Variants in PSMG4 observed in about 807,000 individuals in gnomAD.
PSMG4 encodes the protein proteasome assembly chaperone 4, also known as proteasome (prosome, macropain) assembly chaperone 4.
Under a neutral mutation model 11.0 loss-of-function variants are expected in PSMG4, and 10 were observed. The ratio of observed to expected loss-of-function variants is 0.91; its 90% CI spans 0.56 to 1.54. The LOEUF (loss-of-function observed/expected upper bound fraction) is 1.54. Ranked by LOEUF, PSMG4 falls within the 40% of genes most tolerant of loss-of-function variation. The pLI is 0.00. For missense variants in PSMG4, 198 were observed against 160.9 expected (o/e 1.23, Z -1.25); for synonymous variants, 95 against 71.3 (o/e 1.33, Z -1.68).
intron 1 of PSMG4, among the ~76,000 whole-genome samples, chr6:3,260,542 C>T (rs1035045888): frequency 6.6e-6 from 1 of 152,038 alleles, no homozygotes; most frequent in South Asian, 2.1e-4. Context: ...CTGCCTCGGC[C>T]TCCCAAAGGC....
chr6:3,262,167 A>T (rs1758015191), intron 1 of PSMG4, among the ~76,000 whole-genome samples: 1 of 151,352 alleles, frequency 6.6e-6, no homozygotes, highest in South Asian at 2.1e-4. Context: ...GGATTCTTGG[A>T]CCCCCCGCCC....
chr6:3,267,426 T>C (rs927385989), intron 2 of PSMG4, 165 bp from the exon 3 acceptor site: 36 of 682,278 alleles, frequency 5.3e-5, no homozygotes, highest in Non-Finnish European at 7.7e-5. Context: ...GTGACTCGTC[T>C]GCATTTGCAG....
At position 3,259,186 on chromosome 6, in the gene PSMG4, G is replaced by T. The variant is rs998297817; in HGVS notation, c.164G>T (p.Cys55Phe). The change falls in exon 1 of 3, where the codon TGC (cysteine) becomes TTC (phenylalanine). Residue 55 changes from cysteine (C) to phenylalanine (F), a missense_variant. Cys to Phe is a radical substitution (Grantham distance 205, BLOSUM62 -2). Transcript: ENST00000438998. ...CTGCGCAACCTCGCCGTGGCCATGT[G>T]CAGCCGCTACGTGAGTGCCTGGCGG... ...PHLRNLAVAM[C>F]SRYDSIPVST... 3.8e-6 allele frequency: 5 copies of T among 1,307,766 alleles called. No individual in the cohort carries two copies. Among genetic ancestry groups the T allele is most frequent in the Admixed American group, 4.0e-5 (1 of 24,858 alleles). 81.0% of individuals were successfully genotyped at this position (1,307,766 alleles called of 1,614,324 possible). A position where few individuals can be genotyped will look rare whatever the true frequency, so the allele number is the denominator to read the frequency against.
chr6:3,258,110 C>T (rs1212741218), upstream of PSMG4, among the ~76,000 whole-genome samples: 2 of 152,142 alleles, frequency 1.3e-5, no homozygotes, highest in African/African-American at 4.8e-5. Flanking sequence ...CCCATCAAGG[C>T]TTCCTTTTCT....
At chr6:3,262,527 T>C (rs1758028752) in intron 1 of PSMG4, among the ~76,000 whole-genome samples, 1 of 152,192 alleles carries the variant, frequency 6.6e-6, no homozygotes, top group Admixed American at 6.5e-5. Context: ...TTTATTGTCT[T>C]TTGTGGAAGT....
chr6:3,260,292 T>TATATATATATA (rs1554129658), intron 1 of PSMG4, among the ~76,000 whole-genome samples: 11 of 12,634 alleles, frequency 8.7e-4, no homozygotes, highest in African/African-American at 2.1e-3. Context: ...TATATATATA[T>TATATATATATA]TTTTTTTTTT....
intron 2 of PSMG4, chr6:3,266,663 A>G (rs188240656): frequency 6.6e-6 from 1 of 152,138 alleles, no homozygotes; most frequent in East Asian, 1.9e-4. Context: ...TTTTCTATTG[A>G]TTCTGTAGAA....
At chr6:3,257,840 T>C (rs1757817048), upstream of PSMG4, among the ~76,000 whole-genome samples, 1 of 152,234 alleles carries the variant, frequency 6.6e-6, no homozygotes, top group African/African-American at 2.4e-5. Context: ...TTGTACACTA[T>C]ATATGTGCAG....
At chr6:3,256,740 C>CA (rs1561838045), upstream of PSMG4, among the ~76,000 whole-genome samples, 1 of 152,228 alleles carries the variant, frequency 6.6e-6, no homozygotes, top group Non-Finnish European at 1.5e-5. Flanking sequence ...AATGGCCCAT[C>CA]AGAGTTGTGA....
chr6:3,255,387 T>C (rs1203690190), upstream of PSMG4, among the ~76,000 whole-genome samples: 14 of 152,156 alleles, frequency 9.2e-5, no homozygotes, highest in African/African-American at 3.4e-4. Context: ...GTTTGTTGAG[T>C]GATAACATGA....
At chr6:3,255,791 T>G (rs1424030543), upstream of PSMG4, among the ~76,000 whole-genome samples, 1 of 152,190 alleles carries the variant, frequency 6.6e-6, no homozygotes, top group African/African-American at 2.4e-5. Context: ...AGAGTCCCAA[T>G]CTTTTCAGAC....
chr6:3,260,195 G>A (rs1386781260), intron 1 of PSMG4, among the ~76,000 whole-genome samples: 2 of 73,610 alleles, frequency 2.7e-5, no homozygotes, highest in Non-Finnish European at 8.5e-5. Flanking sequence ...TCCTTCCTCA[G>A]TGAGCCCGAC....
chr6:3,255,225 C>G, upstream of PSMG4: 3 of 1,549,718 alleles, frequency 1.9e-6, no homozygotes, highest in Non-Finnish European at 2.6e-6. Context: ...GCAAAATCAA[C>G]TCTGGTAAGC....
At chr6:3,256,190 C>T (rs914957291), upstream of PSMG4, among the ~76,000 whole-genome samples, 3 of 152,178 alleles carry the variant, frequency 2.0e-5, no homozygotes, top group Non-Finnish European at 2.9e-5. Context: ...GGCAATAATT[C>T]TAGAAGCTTC....
At chr6:3,256,951 TGA>T (rs1491201279), upstream of PSMG4, among the ~76,000 whole-genome samples, 1 of 73,044 alleles carries the variant, frequency 1.4e-5, no homozygotes. Flanking sequence ...TCACAGATAA[TGA>T]GGGGGGTTCC....
At chr6:3,260,981 T>A (rs1274481730) in intron 1 of PSMG4, among the ~76,000 whole-genome samples, 6 of 152,134 alleles carry the variant, frequency 3.9e-5, no homozygotes, top group Admixed American at 3.9e-4. Flanking sequence ...TGTTTCACGG[T>A]GAGGTTTGTC....
chr6:3,263,204 C>T (rs901757184), intron 1 of PSMG4, among the ~76,000 whole-genome samples: 30 of 152,216 alleles, frequency 2.0e-4, no homozygotes, highest in African/African-American at 7.0e-4. Flanking sequence ...GAGGAGCCCA[C>T]AGGGGCTGGA....
chr6:3,260,736 G>A (rs963708535), intron 1 of PSMG4, among the ~76,000 whole-genome samples: 1 of 152,108 alleles, frequency 6.6e-6, no homozygotes, highest in Non-Finnish European at 1.5e-5. Context: ...TATTTTTTGG[G>A]GAGACACAAT....
At chr6:3,262,144 C>T (rs1476158462) in intron 1 of PSMG4, among the ~76,000 whole-genome samples, 2 of 152,142 alleles carry the variant, frequency 1.3e-5, no homozygotes, top group East Asian at 1.9e-4. Context: ...GACCTGGGCC[C>T]GTGCCTGCTC....
Sources: allele counts gnomAD v4.1 joint callset (sites outside exome capture counted in the v4.1 genomes callset), GRCh38; gene constraint gnomAD v4.1.1; transcripts MANE v1.5; gene names NCBI Gene and HGNC (gene_info 2026-07-23, HGNC 2026-07-21).